P2RX1: variants seen among roughly 807,000 people sequenced by gnomAD.
P2RX1 encodes purinergic receptor P2X 1.
Under a neutral mutation model 50.3 loss-of-function variants are expected in P2RX1, and 42 were observed. The ratio of observed to expected loss-of-function variants is 0.83; its 90% CI spans 0.65 to 1.08. The LOEUF is 1.08. P2RX1 is among the 50% of genes least tolerant of loss of function. P2RX1 has a pLI of 0.00. For missense variants in P2RX1, 449 were observed against 529.0 expected, an observed-to-expected ratio of 0.85 and a Z score of 1.48; for synonymous variants, 199 against 202.6, an observed-to-expected ratio of 0.98 and a Z score of 0.15.
Position 3,898,487 on chromosome 17 carries a change from C to T in P2RX1, c.1029G>A (p.Gly343=), listed in dbSNP as rs2056075072. Reference sequence around the variant, plus strand: ...AGCCGGTGACCCCAGCACTTACCACCCCAAAGATGCCAATTCCAGAGCCGA... The same window carrying T: ...AGCCGGTGACCCCAGCACTTACCACTCCAAAGATGCCAATTCCAGAGCCGA... ...TTIGSGIGIF[G]VATVLCDLLL... is the part of the protein sequence containing the mutation. Residue 343 remains glycine, a synonymous_variant, in exon 10 of 12, where the codon GGG becomes GGA. Transcript: ENST00000225538. The T allele has an allele frequency of 1.2e-6, 2 of 1,613,702 alleles. No homozygotes were observed. The highest frequency in any genetic ancestry group is 1.7e-5 in the Admixed American group (1 of 60,004).
Position 3,897,333 on chromosome 17 carries a change from GCCACTAA to G in P2RX1, c.*474_*480del. ...ATGCCCCGAGCTGTCCAGTATGGCA[GCCACTAA>G]CCACACGTATCTACTGAGCAGTTGA... On this transcript the variant is annotated 3_prime_UTR_variant, in exon 12 of 12. Coordinates refer to ENST00000225538, the MANE Select transcript of P2RX1 (RefSeq NM_002558.4). 9.1e-6 allele frequency: 2 copies of G among 220,676 alleles called. No homozygotes were observed. Among genetic ancestry groups the G allele is most frequent in the Admixed American group, 1.0e-4 (2 of 19,726 alleles). The allele number at this position is 220,676 out of a possible 1,614,324, so 13.7% of individuals were successfully genotyped here.
intron 10 of P2RX1, 110 bp from the exon 11 acceptor site, chr17:3,898,220 C>G (rs2056069811): frequency 5.1e-5 from 50 of 978,576 alleles, no homozygotes; most frequent in South Asian, 1.2e-4. Context: ...GATCTGACCT[C>G]ACTGGAGGCC....
At chr17:3,901,815 G>T (rs2056152247) in intron 7 of P2RX1, among the ~76,000 whole-genome samples, 1 of 152,094 alleles carries the variant, frequency 6.6e-6, no homozygotes, top group Non-Finnish European at 1.5e-5. Context: ...AGGTGTATAG[G>T]CTTCCCACGT....
chr17:3,908,432 C>T (rs373737620), intron 1 of P2RX1, among the ~76,000 whole-genome samples: 11 of 152,174 alleles, frequency 7.2e-5, no homozygotes, highest in South Asian at 4.2e-4. Context: ...ATGGTGGTGG[C>T]GGGCACCTGT....
At position 3,897,320 on chromosome 17, in the gene P2RX1, G is replaced by C. The variant is rs73322968; in HGVS notation, c.*494C>G. On this transcript the variant is annotated 3_prime_UTR_variant, in exon 12 of 12. Coordinates refer to ENST00000225538, the MANE Select transcript of P2RX1 (RefSeq NM_002558.4). ...TTTGACAGTGAAAATGCCCCGAGCT[G>C]TCCAGTATGGCAGCCACTAACCACA... 3,966 of 212,854 alleles carry C rather than the reference G, an allele frequency of 0.019. 154 individuals are homozygous for C. Among genetic ancestry groups the C allele is most frequent in the African/African-American group, 0.084 (3,690 of 43,960 alleles). 13.2% of individuals were successfully genotyped at this position (212,854 alleles called of 1,614,324 possible). A position where few individuals can be genotyped will look rare whatever the true frequency, so the allele number is the denominator to read the frequency against.
intron 7 of P2RX1, among the ~76,000 whole-genome samples, chr17:3,900,772 C>T (rs1404306530): frequency 2.0e-5 from 3 of 152,148 alleles, no homozygotes; most frequent in Admixed American, 6.5e-5. Flanking sequence ...TCCAGGAGGA[C>T]GAAGCTATCT....
intron 3 of P2RX1, 68 bp from the exon 4 acceptor site, chr17:3,904,467 A>C (rs2144012229): frequency 5.0e-6 from 7 of 1,386,160 alleles, no homozygotes; most frequent in East Asian, 2.4e-5. Context: ...CCCTCTCCCC[A>C]CCCCCCAGGG....
At position 3,916,239 on chromosome 17, in the gene P2RX1, G is replaced by A; in HGVS notation, c.-14C>T. 6.2e-7 allele frequency: 1 copy of A among 1,612,674 alleles called. No individual in the cohort carries two copies. Among genetic ancestry groups the A allele is most frequent in the Non-Finnish European group, 8.5e-7 (1 of 1,179,872 alleles). ...CCGCCGTGCCATGGTGGGCCGGCTG[G>A]GGCTCAGAACTGAGCCCCCTGCACG... On this transcript the variant is annotated 5_prime_UTR_variant, in exon 1 of 12. Coordinates refer to ENST00000225538, the MANE Select transcript of P2RX1 (RefSeq NM_002558.4).
At chr17:3,906,288 C>T (rs763152217) in intron 1 of P2RX1, among the ~76,000 whole-genome samples, 16 of 152,110 alleles carry the variant, frequency 1.1e-4, no homozygotes, top group African/African-American at 2.2e-4. Flanking sequence ...TGCACCACCA[C>T]GCCCAGCTAA....
At chr17:3,912,050 C>T (rs1304468528) in intron 1 of P2RX1, among the ~76,000 whole-genome samples, 1 of 152,204 alleles carries the variant, frequency 6.6e-6, no homozygotes, top group Non-Finnish European at 1.5e-5. Flanking sequence ...CTGCTGGTGG[C>T]CGTTTCACCA....
intron 3 of P2RX1, chr17:3,904,643 C>T (rs2144014141): frequency 4.8e-6 from 3 of 626,952 alleles, no homozygotes; most frequent in East Asian, 2.7e-5. Context: ...GGCACGAAGT[C>T]TCGGCACCCT....
intron 1 of P2RX1, among the ~76,000 whole-genome samples, chr17:3,911,284 G>T (rs574839385): frequency 7.0e-4 from 104 of 149,410 alleles, no homozygotes; most frequent in Non-Finnish European, 1.2e-3. Flanking sequence ...CATGGCACCC[G>T]GTCTGTTTTT....
At chr17:3,901,754 T>C (rs1477876718) in intron 7 of P2RX1, among the ~76,000 whole-genome samples, 1 of 152,190 alleles carries the variant, frequency 6.6e-6, no homozygotes, top group African/African-American at 2.4e-5. Context: ...TGTACAGGCT[T>C]CCCACGCGCC....
rs2052405027 is a variant in P2RX1 at position 3,916,153 on chromosome 17, G to A, written c.73C>T (p.Arg25Cys). 20 of 1,613,566 alleles carry A rather than the reference G, an allele frequency of 1.2e-5. No individual in the cohort carries two copies. The highest frequency in any genetic ancestry group is 1.6e-5 in the Non-Finnish European group (19 of 1,180,008). The change falls in exon 1 of 12, where the codon CGT becomes TGT. Residue 25 changes from arginine (R) to cysteine (C), a missense_variant. Arg to Cys is a radical substitution (Grantham distance 180). Transcript: ENST00000225538. ...AAGATAACGCCCACCTTCTTATTAC[G>A]CACCAGCACCATGCGGGGGGTGTCA... is the stretch of plus-strand genomic sequence containing the variant. ...EYDTPRMVLV[R>C]NKKVGVIFRL...
intron 1 of P2RX1, among the ~76,000 whole-genome samples, chr17:3,912,417 G>A (rs562182056): frequency 5.4e-4 from 82 of 151,488 alleles, no homozygotes; most frequent in African/African-American, 1.7e-3. Flanking sequence ...TGCCATCTCC[G>A]CCCCCCAAGT....
In P2RX1 at chr17:3,914,002, G is replaced by T. The variant is rs1343520077; in HGVS notation, c.137+2087C>A. On this transcript the variant is annotated intron_variant, in intron 1 of 11. Coordinates refer to ENST00000225538, the MANE Select transcript of P2RX1 (RefSeq NM_002558.4). This position sits in a 1 kb window ranked among gnomAD's most constrained non-coding sequence, Gnocchi z 4.1. ...GGCTGAGAGGTCAGTGCAGTACTGA[G>T]CAGTGGCCAGACGAGGGCGCAAGAG... Among the ~76,000 whole-genome samples the T allele has an allele frequency of 2.6e-5, 4 of 152,200 alleles. No individual in the cohort carries two copies. Among genetic ancestry groups the T allele is most frequent in the African/African-American group, 9.6e-5 (4 of 41,454 alleles).
rs1034254374 is a variant in P2RX1 at position 3,913,002 on chromosome 17, T to C, written c.137+3087A>G. Among the ~76,000 whole-genome samples the C allele has an allele frequency of 2.0e-5, 3 of 152,112 alleles. No individual in the cohort carries two copies. In the East Asian group the frequency reaches 5.8e-4, roughly 29 times the overall value. On this transcript the variant is annotated intron_variant, in intron 1 of 11. Transcript: ENST00000225538. ...GCCCAGCCCACAGCCCCCAGGTCTT[T>C]GCTTATGGCTGGTTCCATCAGTGTG...
chr17:3,901,536 T>A (rs1239712760), intron 7 of P2RX1, among the ~76,000 whole-genome samples: 2 of 152,206 alleles, frequency 1.3e-5, no homozygotes, highest in African/African-American at 4.8e-5. Flanking sequence ...CACAGCTGAC[T>A]TGGGTAGTTG....
intron 1 of P2RX1, chr17:3,915,294 A>G: frequency 2.7e-6 from 1 of 373,050 alleles, no homozygotes; most frequent in South Asian, 2.0e-5. Context: ...GCACAGCCAT[A>G]TGTACACATA....
Sources: gnomAD v4.1 joint callset for allele counts (sites outside exome capture counted in the v4.1 genomes callset) on GRCh38, gnomAD v4.1.1 for gene constraint, Gnocchi (gnomAD v3.1) non-coding constraint, MANE v1.5 for transcripts, NCBI Gene and HGNC (gene_info 2026-07-23, HGNC 2026-07-21) for gene names.